The following ZNF433 variants were observed in gnomAD, a reference collection of about 807,000 sequenced individuals.
ZNF433 encodes the protein zinc finger protein 433.
ZNF433 carries 12 observed loss-of-function variants against 10.6 expected under a neutral mutation model. That is an observed-to-expected ratio of 1.13 (90% CI 0.72 to 1.83). The LOEUF (loss-of-function observed/expected upper bound fraction) is 1.83. Ranked by LOEUF, ZNF433 falls within the 40% of genes most tolerant of loss-of-function variation. The probability of loss-of-function intolerance (pLI) is 0.00; values close to 1 mark genes in which losing one functional copy is unlikely to be tolerated. For synonymous variants in ZNF433, 272 were observed against 271.3 expected (o/e 1.00, Z -0.02); for missense variants, 737 against 798.0 (o/e 0.92, Z 0.92).
Position 12,015,040 on chromosome 19 carries a change from T to A in ZNF433, c.1818A>T (p.Gly606=). ...ACGGTTTCTCTCCAGTGTGAGTCCTTCCATGCATTTGAAGTCGCGAGGCAC... is the reference window on the plus strand; with the variant it reads ...ACGGTTTCTCTCCAGTGTGAGTCCTACCATGCATTTGAAGTCGCGAGGCAC... ...FGCASRLQMH[G]RTHTGEKPYK... The change falls in exon 4 of 4, where the codon GGA becomes GGT. Residue 606 remains glycine (G), a synonymous_variant. Coordinates refer to ENST00000550507, the MANE Select transcript of ZNF433 (RefSeq NM_001308348.2). 6.2e-7 allele frequency: 1 copy of A among 1,614,054 alleles called. No homozygotes were observed. Among genetic ancestry groups the A allele is most frequent in the Non-Finnish European group, 8.5e-7 (1 of 1,179,976 alleles).
chr19:12,027,068 G>A (rs752429360), intron 1 of ZNF433: 2 of 447,480 alleles, frequency 4.5e-6, no homozygotes, highest in Non-Finnish European at 8.9e-6. Context: ...CTTGGATATT[G>A]CAAAATTAAA....
chr19:12,031,316 CA>C (rs1175208367), intron 1 of ZNF433, among the ~76,000 whole-genome samples: 3,642 of 102,416 alleles, frequency 0.036, 215 homozygotes, highest in African/African-American at 0.15. Flanking sequence ...AAAAACAAAA[CA>C]AAAAAAAAAA....
In ZNF433 at chr19:12,015,529, T is replaced by C. The variant is rs975022805; in HGVS notation, c.1329A>G (p.Gly443=). The C allele has an allele frequency of 1.2e-6, 2 of 1,613,870 alleles. No homozygotes were observed. Among genetic ancestry groups the C allele is most frequent in the Non-Finnish European group, 1.7e-6 (2 of 1,179,962 alleles). Residue 443 remains glycine (G), a synonymous_variant, in exon 4 of 4, where the codon GGA becomes GGG. Transcript: ENST00000550507. The part of the protein sequence containing the change: ...LLQTHGRTHT[G]EKPYACKECG... ...ATTCCTTACATGCATAGGGTTTCTC[T>C]CCCGTGTGAGTCCTACCATGTGTTT...
chr19:12,026,496 A>G (rs1439386573), intron 1 of ZNF433: 3 of 346,932 alleles, frequency 8.6e-6, no homozygotes, highest in African/African-American at 6.5e-5. Context: ...ACAAGGGCTG[A>G]CACAGAGAAC....
chr19:12,018,165 C>G lies in ZNF433; in HGVS notation c.130+1G>C. On this transcript the variant is annotated splice_donor_variant, in intron 2 of 3. Coordinates refer to ENST00000550507, the MANE Select transcript of ZNF433 (RefSeq NM_001308348.2). LOFTEE classifies it high-confidence loss of function. ...GAAGGAAGTAATGTTGTCACCCTTA[C>G]CTATAGAGGCCAGGTTCCTGAAGGT... 1.9e-6 allele frequency: 3 copies of G among 1,582,950 alleles called. No homozygotes were observed. The highest frequency in any genetic ancestry group is 2.6e-6 in the Non-Finnish European group (3 of 1,170,160).
Position 12,014,943 on chromosome 19 carries a change from C to T in ZNF433, c.1915G>A (p.Gly639Arg). The T allele has an allele frequency of 1.9e-6, 3 of 1,613,986 alleles. No individual in the cohort carries two copies. Among genetic ancestry groups the T allele is most frequent in the Non-Finnish European group, 2.5e-6 (3 of 1,179,942 alleles). The change falls in exon 4 of 4, where the codon GGA becomes AGA. Residue 639 changes from glycine to arginine, a missense_variant. By Grantham distance (125) the Gly-to-Arg change is moderately radical. Transcript: ENST00000550507. ...NLRRHGRTHT[G>R]EKPYKCNQCG... ...TGGTTACATTTATAGGGTTTCTCTC[C>T]AGTGTGAGTCCTTCCATGCCTTCGA...
rs767270633 is a variant in ZNF433, at chr19:12,030,258, G to A, written c.3+5279C>T. 8.1e-5 allele frequency: 33 copies of A among 409,370 alleles called. 2 individuals carry two copies. The highest frequency in any genetic ancestry group is 3.5e-4 in the Admixed American group (12 of 34,146). 25.4% of individuals were successfully genotyped at this position (409,370 alleles called of 1,614,324 possible). On this transcript the variant is annotated intron_variant, in intron 1 of 3. Coordinates refer to ENST00000550507, the MANE Select transcript of ZNF433 (RefSeq NM_001308348.2). The stretch of plus-strand genomic sequence containing the variant: ...TATTTTTTTGAGACGGAGTCTCACC[G>A]TCACCAGGATGGAGTGCAGTGGCAT...
At chr19:12,034,877 G>A (rs1975205913) in intron 1 of ZNF433, 1 of 454,224 alleles carries the variant, frequency 2.2e-6, no homozygotes, top group Admixed American at 2.4e-5. Flanking sequence ...CTGTCTCCCT[G>A]AAATGAATAA....
chr19:12,030,149 G>A, intron 1 of ZNF433: 1 of 438,164 alleles, frequency 2.3e-6, no homozygotes, highest in Non-Finnish European at 4.5e-6. Flanking sequence ...CCAGGCACCA[G>A]ATCTGTCAGC....
chr19:12,022,504 T>C (rs1346843269), intron 1 of ZNF433, among the ~76,000 whole-genome samples: 1 of 152,136 alleles, frequency 6.6e-6, no homozygotes, highest in Non-Finnish European at 1.5e-5. Context: ...ACCGAGATGG[T>C]CTTGGCAAGT....
At chr19:12,033,962 G>A (rs1439900428) in intron 1 of ZNF433, among the ~76,000 whole-genome samples, 1 of 152,174 alleles carries the variant, frequency 6.6e-6, no homozygotes, top group African/African-American at 2.4e-5. Context: ...TCACAGGGTG[G>A]AGGGTTTGAG....
intron 1 of ZNF433, chr19:12,028,129 A>G (rs75493212): frequency 1.9e-4 from 29 of 152,196 alleles, no homozygotes; most frequent in African/African-American, 7.0e-4. Flanking sequence ...TGTGGCTTCA[A>G]TCACCTGGGC....
chr19:12,021,278 G>A (rs1342369585), intron 1 of ZNF433, among the ~76,000 whole-genome samples: 1 of 151,768 alleles, frequency 6.6e-6, no homozygotes, highest in Non-Finnish European at 1.5e-5. Context: ...ACTGCACCTG[G>A]CCAGGACTCC....
intron 1 of ZNF433, among the ~76,000 whole-genome samples, chr19:12,018,941 C>A (rs1045649601): frequency 6.6e-6 from 1 of 150,400 alleles, no homozygotes; most frequent in East Asian, 2.0e-4. Context: ...TCCCAGCTAC[C>A]CAGGAGGCTG....
chr19:12,023,600 C>T (rs1450812038), intron 1 of ZNF433: 1 of 152,106 alleles, frequency 6.6e-6, no homozygotes, highest in Non-Finnish European at 1.5e-5. Flanking sequence ...TTGGTAGATA[C>T]AGGAGCAGAC....
chr19:12,032,510 G>C (rs1369630974), intron 1 of ZNF433, among the ~76,000 whole-genome samples: 1 of 148,662 alleles, frequency 6.7e-6, no homozygotes, highest in Non-Finnish European at 1.5e-5. Flanking sequence ...TTGAGATGGA[G>C]ACTCGCCCTG....
chr19:12,014,910 T>C lies in ZNF433; in HGVS notation c.1948A>G (p.Lys650Glu), dbSNP rs771495293. ...AGTTGTGAAGAACATCTAAAGACTT[T>C]ACCACATTGGTTACATTTATAGGGT... ...EKPYKCNQCG[K>E]VFRCSSQLQV... The change falls in exon 4 of 4, where the codon AAA becomes GAA. Residue 650 changes from lysine to glutamate, a missense_variant. Physicochemically the swap from Lys to Glu is moderately conservative, Grantham distance 56 (BLOSUM62 1). Transcript: ENST00000550507. 1.2e-6 allele frequency: 2 copies of C among 1,613,762 alleles called. No individual in the cohort carries two copies. Among genetic ancestry groups the C allele is most frequent in the Non-Finnish European group, 1.7e-6 (2 of 1,179,778 alleles).
At chr19:12,018,474 T>A in intron 1 of ZNF433, 182 bp from the exon 2 acceptor site, 1 of 595,598 alleles carries the variant, frequency 1.7e-6, no homozygotes, top group Non-Finnish European at 2.5e-6. Flanking sequence ...AGGCTACAAC[T>A]GAACCATGTG....
At chr19:12,034,515 G>A in intron 1 of ZNF433, 1 of 250,286 alleles carries the variant, frequency 4.0e-6, no homozygotes, top group Non-Finnish European at 8.1e-6. Flanking sequence ...ACAGACATCA[G>A]CCAACTGGAA....
Sources: gnomAD v4.1 joint callset for allele counts (sites outside exome capture counted in the v4.1 genomes callset) on GRCh38, gnomAD v4.1.1 for gene constraint, MANE v1.5 for transcripts, NCBI Gene and HGNC (gene_info 2026-07-23, HGNC 2026-07-21) for gene names.